Variants in DRC11 observed in about 807,000 individuals in gnomAD.
DRC11 encodes the protein dynein regulatory complex subunit 11.
At chr2:236,446,734 A>T in the DRC11 span, among the ~76,000 whole-genome samples, 1 of 152,178 alleles carries the variant, frequency 6.6e-6, no homozygotes, top group African/African-American at 2.4e-5. This position sits in a 1 kb window ranked among gnomAD's most constrained non-coding sequence, Gnocchi z 6.2. Flanking sequence ...AAACAACTGG[A>T]ATCGCAAAAT....
At chr2:236,313,992 G>A in the DRC11 span, among the ~76,000 whole-genome samples, 1 of 152,248 alleles carries the variant, frequency 6.6e-6, no homozygotes, top group South Asian at 2.1e-4. This position sits in a 1 kb window ranked among gnomAD's most constrained non-coding sequence, Gnocchi z 4.5. Context: ...TTGTATCTTG[G>A]CTGTGCTCAT....
chr2:236,460,044 T>A, the DRC11 span, among the ~76,000 whole-genome samples: 10 of 152,156 alleles, frequency 6.6e-5, no homozygotes, highest in Non-Finnish European at 1.3e-4. This position sits in a 1 kb window ranked among gnomAD's most constrained non-coding sequence, Gnocchi z 4.0. Context: ...CTGACCGTGT[T>A]TCATGTTTCA....
At chr2:236,316,093 A>G in the DRC11 span, among the ~76,000 whole-genome samples, 17 of 152,148 alleles carry the variant, frequency 1.1e-4, no homozygotes, top group African/African-American at 4.1e-4. This position sits in a 1 kb window ranked among gnomAD's most constrained non-coding sequence, Gnocchi z 6.8. Flanking sequence ...AACTGTAACC[A>G]CAAAGACAAA....
chr2:236,355,388 AAT>A, the DRC11 span, among the ~76,000 whole-genome samples: 35 of 152,280 alleles, frequency 2.3e-4, no homozygotes, highest in African/African-American at 6.7e-4. Flanking sequence ...TGCTCTGAAA[AAT>A]AGTCTATGTA....
At chr2:236,491,059 T>TATATATATACACAC in the DRC11 span, among the ~76,000 whole-genome samples, 50 of 138,220 alleles carry the variant, frequency 3.6e-4, no homozygotes, top group African/African-American at 1.4e-3. Flanking sequence ...TATATATATA[T>TATATATATACACAC]ACACACAGTA....
the DRC11 span, among the ~76,000 whole-genome samples, chr2:236,314,708 C>T: frequency 2.1e-3 from 315 of 152,004 alleles, 4 homozygotes; most frequent in Admixed American, 0.014. The surrounding 1 kb of genome is among the most constrained non-coding windows in gnomAD (Gnocchi z 4.5). Context: ...AAATTTATAA[C>T]GGAAAATTAT....
chr2:236,371,577 T>C, the DRC11 span, among the ~76,000 whole-genome samples: 1 of 152,146 alleles, frequency 6.6e-6, no homozygotes, highest in Non-Finnish European at 1.5e-5. This position sits in a 1 kb window ranked among gnomAD's most constrained non-coding sequence, Gnocchi z 5.1. Flanking sequence ...ACACCGCTCT[T>C]ATGCATTGCA....
the DRC11 span, among the ~76,000 whole-genome samples, chr2:236,326,970 T>C: frequency 6.6e-6 from 1 of 152,108 alleles, no homozygotes; most frequent in South Asian, 2.1e-4. Context: ...TCCACCTGCC[T>C]TGGCCTCCCA....
the DRC11 span, among the ~76,000 whole-genome samples, chr2:236,501,092 C>T: frequency 1.3e-5 from 2 of 152,072 alleles, no homozygotes; most frequent in African/African-American, 2.4e-5. Flanking sequence ...GGGGTGGCCT[C>T]GGGGAGCTTT....
chr2:236,320,152 T>C, the DRC11 span, among the ~76,000 whole-genome samples: 1 of 152,228 alleles, frequency 6.6e-6, no homozygotes, highest in Non-Finnish European at 1.5e-5. Context: ...ATGATTCTAG[T>C]GGTGGAGGTT....
At chr2:236,324,728 C>T in the DRC11 span, 2 of 1,604,662 alleles carry the variant, frequency 1.2e-6, no homozygotes, top group South Asian at 2.2e-5. The surrounding 1 kb of genome is among the most constrained non-coding windows in gnomAD (Gnocchi z 5.7). Context: ...TTCTGTGCTG[C>T]CTCCTGTTAT....
At chr2:236,338,425 GAA>G in the DRC11 span, 1 of 1,543,788 alleles carries the variant, frequency 6.5e-7, no homozygotes, top group Non-Finnish European at 8.8e-7. Context: ...TAGAAAAAAA[GAA>G]TGAAAAAATG....
chr2:236,363,638 A>T, the DRC11 span: 1 of 697,366 alleles, frequency 1.4e-6, no homozygotes, highest in African/African-American at 1.8e-5. This position sits in a 1 kb window ranked among gnomAD's most constrained non-coding sequence, Gnocchi z 5.6. Flanking sequence ...GGCCATACGC[A>T]ATAATGAAGT....
chr2:236,385,092 T>C, the DRC11 span, among the ~76,000 whole-genome samples: 5 of 151,866 alleles, frequency 3.3e-5, no homozygotes, highest in Admixed American at 6.6e-5. Flanking sequence ...AGTCAGGTAG[T>C]GTGATGCCTC....
the DRC11 span, among the ~76,000 whole-genome samples, chr2:236,435,458 T>C: frequency 6.6e-6 from 1 of 152,220 alleles, no homozygotes; most frequent in Non-Finnish European, 1.5e-5. Flanking sequence ...ATTCTCACAT[T>C]GCTATAAAGA....
chr2:236,489,579 G>T, the DRC11 span, among the ~76,000 whole-genome samples: 1 of 152,148 alleles, frequency 6.6e-6, no homozygotes, highest in Non-Finnish European at 1.5e-5. Flanking sequence ...GGCTTGGGGG[G>T]TGTCCATGCA....
At chr2:236,446,660 G>A in the DRC11 span, among the ~76,000 whole-genome samples, 4 of 152,206 alleles carry the variant, frequency 2.6e-5, no homozygotes, top group African/African-American at 4.8e-5. This position sits in a 1 kb window ranked among gnomAD's most constrained non-coding sequence, Gnocchi z 6.2. Context: ...CCCACAGGCC[G>A]AATGCCTGGA....
At chr2:236,414,798 T>C in the DRC11 span, among the ~76,000 whole-genome samples, 1 of 152,222 alleles carries the variant, frequency 6.6e-6, no homozygotes, top group Admixed American at 6.5e-5. Flanking sequence ...CCAAGTTTCT[T>C]GATGAAAAGA....
At chr2:236,486,857 C>T in the DRC11 span, 1 of 1,611,032 alleles carries the variant, frequency 6.2e-7, no homozygotes. This position sits in a 1 kb window ranked among gnomAD's most constrained non-coding sequence, Gnocchi z 5.7. Context: ...CTCCTCTTCT[C>T]TCAGTTTTTC....
Sources: allele counts gnomAD v4.1 joint callset (sites outside exome capture counted in the v4.1 genomes callset), GRCh38; gene constraint gnomAD v4.1.1; non-coding constraint Gnocchi (gnomAD v3.1); transcripts MANE v1.5; gene names NCBI Gene and HGNC (gene_info 2026-07-23, HGNC 2026-07-21).